The following LNX1 variants were observed in gnomAD, a reference collection of about 807,000 sequenced individuals.
LNX1 encodes ligand of numb-protein X 1.
Under a neutral mutation model 68.4 loss-of-function variants are expected in LNX1, and 54 were observed. The ratio of observed to expected loss-of-function variants is 0.79; its 90% CI spans 0.63 to 0.99. The LOEUF (loss-of-function observed/expected upper bound fraction) is 0.99. Among genes scored for constraint, LNX1 ranks in the 50% least tolerant of loss-of-function variants. The pLI, the probability that LNX1 is intolerant of heterozygous loss-of-function variation, is 0.00. For synonymous variants in LNX1, 336 were observed against 350.0 expected (o/e 0.96, Z 0.45); for missense variants, 906 against 926.4 (o/e 0.98, Z 0.29).
At chr4:53,507,901 T>C in intron 3 of LNX1, 85 bp downstream of exon 3, 1 of 1,501,122 alleles carries the variant, frequency 6.7e-7, no homozygotes, top group Non-Finnish European at 9.0e-7. Flanking sequence ...AAAAAACATT[T>C]ACAGAACTTT....
chr4:53,477,901 C>T (rs1183460915), intron 8 of LNX1, among the ~76,000 whole-genome samples: 1 of 152,100 alleles, frequency 6.6e-6, no homozygotes, highest in Non-Finnish European at 1.5e-5. Context: ...AGCAGCTGTA[C>T]TTGGGAAACT....
rs1472327074 is a variant in LNX1 at position 53,496,265 on chromosome 4, G to A, written c.1108C>T (p.Pro370Ser). The A allele has an allele frequency of 6.2e-7, 1 of 1,614,058 alleles. No homozygotes were observed. The highest frequency in any genetic ancestry group is 8.5e-7 in the Non-Finnish European group (1 of 1,179,996). The change falls in exon 6 of 11, where the codon CCG (proline) becomes TCG (serine). Residue 370 changes from proline to serine, a missense_variant. Pro to Ser is a moderately conservative substitution (Grantham distance 74, BLOSUM62 -1). Coordinates refer to ENST00000263925, the MANE Select transcript of LNX1 (RefSeq NM_001126328.3). ...KFRSRNNGQA[P>S]DAYRPRDDSF... is the part of the protein sequence containing the mutation. ...TCATCTCGGGGTCTGTAGGCATCCGGGGCCTGTCCATTGTTCCTGCTGCGG... is the reference window on the plus strand; with the variant it reads ...TCATCTCGGGGTCTGTAGGCATCCGAGGCCTGTCCATTGTTCCTGCTGCGG...
At chr4:53,599,536 A>G (rs1380831154) in intron 2 of LNX1, among the ~76,000 whole-genome samples, 1 of 152,102 alleles carries the variant, frequency 6.6e-6, no homozygotes, top group Non-Finnish European at 1.5e-5. Flanking sequence ...TTATTCCTCT[A>G]CTTTCTTAAT....
At chr4:53,599,076 T>C (rs1208437886) in intron 2 of LNX1, among the ~76,000 whole-genome samples, 1 of 152,174 alleles carries the variant, frequency 6.6e-6, no homozygotes, top group Non-Finnish European at 1.5e-5. Context: ...ATAAAGTACT[T>C]TCCTGAGTTT....
At chr4:53,485,457 C>A (rs1724224559) in intron 6 of LNX1, among the ~76,000 whole-genome samples, 1 of 152,182 alleles carries the variant, frequency 6.6e-6, no homozygotes, top group Admixed American at 6.5e-5. Flanking sequence ...CTATTTAATT[C>A]ACATTTTCAA....
intron 9 of LNX1, among the ~76,000 whole-genome samples, chr4:53,470,147 T>C (rs1723044493): frequency 2.6e-5 from 4 of 152,276 alleles, no homozygotes; most frequent in African/African-American, 7.2e-5. Context: ...TCCACCATGA[T>C]CAAGTGGGCT....
chr4:53,609,761 C>CAATAGTA (rs1560692892), intron 2 of LNX1, among the ~76,000 whole-genome samples: 3 of 137,086 alleles, frequency 2.2e-5, no homozygotes, highest in Non-Finnish European at 4.7e-5. Flanking sequence ...ATATAATATA[C>CAATAGTA]TATTATATAT....
In LNX1 at chr4:53,496,019, T is replaced by G; in HGVS notation, c.1350+4A>C. On this transcript the variant is annotated splice_donor_region_variant and intron_variant, in intron 6 of 10. Transcript: ENST00000263925. The stretch of plus-strand genomic sequence containing the variant: ...CTGGGATCCTGGAATGACCTCTGAC[T>G]CACCTGAATCAGATGAGCCGCACTT... 3 of 1,609,656 alleles carry G rather than the reference T, an allele frequency of 1.9e-6. No individual in the cohort carries two copies. Among genetic ancestry groups the G allele is most frequent in the Non-Finnish European group, 2.5e-6 (3 of 1,177,042 alleles).
At chr4:53,466,156 G>T (rs1722662166) in intron 9 of LNX1, among the ~76,000 whole-genome samples, 1 of 151,556 alleles carries the variant, frequency 6.6e-6, no homozygotes, top group Admixed American at 6.6e-5. Flanking sequence ...TTTGTTTTAA[G>T]AAAAAAAAAA....
At chr4:53,609,836 C>A (rs143601532) in intron 2 of LNX1, among the ~76,000 whole-genome samples, 1 of 144,624 alleles carries the variant, frequency 6.9e-6, no homozygotes, top group South Asian at 2.2e-4. Flanking sequence ...CTACATAATG[C>A]TATATAAATA....
chr4:53,599,638 C>A (rs1732906448), intron 2 of LNX1, among the ~76,000 whole-genome samples: 2 of 152,154 alleles, frequency 1.3e-5, no homozygotes, highest in African/African-American at 4.8e-5. Context: ...ATCGGGACCC[C>A]TTTCCTGTAA....
chr4:53,611,154 A>T (rs559134302), intron 2 of LNX1, among the ~76,000 whole-genome samples: 4 of 152,280 alleles, frequency 2.6e-5, no homozygotes, highest in Admixed American at 2.0e-4. Flanking sequence ...TTGATAAAAT[A>T]GGTGGATCTA....
At chr4:53,464,999 A>G (rs1722560889) in intron 9 of LNX1, among the ~76,000 whole-genome samples, 1 of 152,190 alleles carries the variant, frequency 6.6e-6, no homozygotes, top group Non-Finnish European at 1.5e-5. Context: ...CAGCTGTGCA[A>G]TATCAAATTT....
At chr4:53,609,485 AG>A (rs1733380689) in intron 2 of LNX1, among the ~76,000 whole-genome samples, 1 of 150,048 alleles carries the variant, frequency 6.7e-6, no homozygotes, top group African/African-American at 2.4e-5. Context: ...GAAAGAAAAA[AG>A]GAATTGACAT....
chr4:53,612,338 A>T (rs1733528014), intron 2 of LNX1, among the ~76,000 whole-genome samples: 1 of 152,228 alleles, frequency 6.6e-6, no homozygotes, highest in African/African-American at 2.4e-5. Context: ...AATTTAAAAT[A>T]CAGACAGTCT....
At chr4:53,558,194 C>A in intron 2 of LNX1, 1 of 1,316,372 alleles carries the variant, frequency 7.6e-7, no homozygotes, top group South Asian at 1.7e-5. Context: ...GGAGCCACCA[C>A]GGTTGGCGAG....
intron 2 of LNX1, among the ~76,000 whole-genome samples, chr4:53,516,072 T>G (rs1726758807): frequency 6.6e-6 from 1 of 152,122 alleles, no homozygotes; most frequent in South Asian, 2.1e-4. Flanking sequence ...GGACCCATAT[T>G]CTACAAAAAA....
rs945213596 is a variant in LNX1, at chr4:53,487,929, C to A, written c.1351-6075G>T. ...GCTTGTGGGGATGGCTCTTTCTACA[C>A]TGTCTGTGGTTGCCCCATTTTAGAA... On this transcript the variant is annotated intron_variant, in intron 6 of 10. Transcript: ENST00000263925. Among the ~76,000 whole-genome samples the A allele has an allele frequency of 1.7e-4, 26 of 152,218 alleles. 3 individuals carry two copies. The highest frequency in any genetic ancestry group is 1.4e-3 in the Admixed American group (22 of 15,286).
intron 1 of LNX1, among the ~76,000 whole-genome samples, chr4:53,577,501 T>A (rs1254486169): frequency 6.6e-6 from 1 of 152,216 alleles, no homozygotes; most frequent in Non-Finnish European, 1.5e-5. Context: ...AGGCATCAGA[T>A]ACTTCCAGAT....
Sources: allele counts gnomAD v4.1 joint callset (sites outside exome capture counted in the v4.1 genomes callset), GRCh38; gene constraint gnomAD v4.1.1; transcripts MANE v1.5; gene names NCBI Gene and HGNC (gene_info 2026-07-23, HGNC 2026-07-21).